Variants in TECPR2 observed in about 807,000 individuals in gnomAD.
TECPR2 encodes tectonin beta-propeller repeat containing 2.
A neutral mutation model predicts 138.1 loss-of-function variants in TECPR2; 65 were observed. That is an observed-to-expected ratio of 0.47 (90% CI 0.39 to 0.58). TECPR2 has a LOEUF of 0.58. TECPR2 is among the 20% of genes least tolerant of loss of function. TECPR2 has a pLI of 0.00. For missense variants in TECPR2, 1,553 were observed against 1,824.5 expected, an observed-to-expected ratio of 0.85 and a Z score of 2.71; for synonymous variants, 746 against 749.8, an observed-to-expected ratio of 0.99 and a Z score of 0.08.
rs374430400 is a variant in TECPR2, at chr14:102,445,825, C to T, written c.2953C>T (p.Pro985Ser). Residue 985 changes from proline to serine, a missense_variant, in exon 13 of 20, where the codon CCC becomes TCC. Physicochemically the swap from Pro to Ser is moderately conservative, Grantham distance 74. Coordinates refer to ENST00000359520, the MANE Select transcript of TECPR2 (RefSeq NM_014844.5). ...DIVSERQALE[P>S]VCITLGDQQT... ...TTTCAGCGAAAGGCAAGCTTTAGAACCCGTCTGCATAACGCTCGGGGATCA... is the reference window on the plus strand; with the variant it reads ...TTTCAGCGAAAGGCAAGCTTTAGAATCCGTCTGCATAACGCTCGGGGATCA... 1.5e-5 allele frequency: 25 copies of T among 1,613,792 alleles called. No homozygotes were observed. In the African/African-American group the frequency reaches 2.9e-4, roughly 19 times the overall value.
At chr14:102,423,006 GTCA>G (rs1370668841) in intron 5 of TECPR2, among the ~76,000 whole-genome samples, 1 of 152,204 alleles carries the variant, frequency 6.6e-6, no homozygotes, top group Admixed American at 6.6e-5. Flanking sequence ...TAGACAAACA[GTCA>G]TCATTATGTT....
intron 17 of TECPR2, among the ~76,000 whole-genome samples, chr14:102,475,209 A>G (rs1434355522): frequency 6.6e-6 from 1 of 152,202 alleles, no homozygotes; most frequent in East Asian, 1.9e-4. Flanking sequence ...AAGAAAGGCA[A>G]GTAGGAGTGT....
Position 102,499,035 on chromosome 14 carries a change from A to T in TECPR2, c.*778A>T, listed in dbSNP as rs1395999612. ...GCACCGTACCTCGCCACATCTCACC[A>T]CACCACACCACACCACACCTCACTG... On this transcript the variant is annotated 3_prime_UTR_variant, in exon 20 of 20. Coordinates refer to ENST00000359520, the MANE Select transcript of TECPR2 (RefSeq NM_014844.5). 3 of 585,822 alleles carry T rather than the reference A, an allele frequency of 5.1e-6. No homozygotes were observed. Among genetic ancestry groups the T allele is most frequent in the Non-Finnish European group, 8.6e-6 (3 of 347,678 alleles). The allele number at this position is 585,822 out of a possible 1,614,324, so 36.3% of individuals were successfully genotyped here.
intron 5 of TECPR2, among the ~76,000 whole-genome samples, chr14:102,424,227 G>T (rs1160310517): frequency 2.6e-5 from 4 of 152,132 alleles, no homozygotes; most frequent in Non-Finnish European, 4.4e-5. Context: ...GTAGCACAAC[G>T]GTAAGTAATT....
Position 102,465,206 on chromosome 14 carries a change from G to A in TECPR2, c.3706G>A (p.Gly1236Arg), listed in dbSNP as rs771051083. The A allele has an allele frequency of 6.2e-7, 1 of 1,614,226 alleles. No individual in the cohort carries two copies. Among genetic ancestry groups the A allele is most frequent in the Non-Finnish European group, 8.5e-7 (1 of 1,180,040 alleles). ...CATCTGGGCCTGTGATTCCAGGGGTGGAGTTTACTTCCGTGTAGGGACTCA... is the reference window on the plus strand; with the variant it reads ...CATCTGGGCCTGTGATTCCAGGGGTAGAGTTTACTTCCGTGTAGGGACTCA... Reference protein sequence around the residue: ...QHIWACDSRGGVYFRVGTQPL... With the variant: ...QHIWACDSRGRVYFRVGTQPL... The change falls in exon 17 of 20, where the codon GGA becomes AGA. Residue 1236 changes from glycine (G) to arginine (R), a missense_variant. Physicochemically the swap from Gly to Arg is moderately radical, Grantham distance 125. Transcript: ENST00000359520.
Position 102,499,365 on chromosome 14 carries a change from C to A in TECPR2, c.*1108C>A. 1.7e-6 allele frequency: 1 copy of A among 601,848 alleles called. No homozygotes were observed. Among genetic ancestry groups the A allele is most frequent in the Non-Finnish European group, 3.0e-6 (1 of 337,296 alleles). 37.3% of individuals were successfully genotyped at this position (601,848 alleles called of 1,614,324 possible). A position where few individuals can be genotyped will look rare whatever the true frequency, so the allele number is the denominator to read the frequency against. On this transcript the variant is annotated 3_prime_UTR_variant, in exon 20 of 20. Transcript: ENST00000359520. ...CTGCATAAAATACCTCATTTCAAATCAAATCTTACAAATTTAGAAGAGAGA... is the reference window on the plus strand; with the variant it reads ...CTGCATAAAATACCTCATTTCAAATAAAATCTTACAAATTTAGAAGAGAGA...
Position 102,435,073 on chromosome 14 carries a change from C to G in TECPR2, c.2256C>G (p.Ser752Arg), listed in dbSNP as rs746712279. The part of the protein sequence containing the change: ...QPPRDQTLTS[S>R]DEEDIYAHGL... ...CACGGGATCAGACATTGACGTCCAG[C>G]GATGAGGAGGACATCTATGCCCACG... The change falls in exon 9 of 20, where the codon AGC becomes AGG. Residue 752 changes from serine to arginine, a missense_variant. Transcript: ENST00000359520. 3 of 1,613,978 alleles carry G rather than the reference C, an allele frequency of 1.9e-6. No individual in the cohort carries two copies. The highest frequency in any genetic ancestry group is 2.5e-6 in the Non-Finnish European group (3 of 1,180,034).
In TECPR2 at chr14:102,502,327, A is replaced by C. The variant is rs1246366312; in HGVS notation, c.*4070A>C. The C allele has an allele frequency of 1.3e-5, 2 of 152,660 alleles. No homozygotes were observed. The highest frequency in any genetic ancestry group is 3.8e-4 in the East Asian group (2 of 5,204). 9.5% of individuals were successfully genotyped at this position (152,660 alleles called of 1,614,324 possible). On this transcript the variant is annotated 3_prime_UTR_variant, in exon 20 of 20. Transcript: ENST00000359520. ...ATTTTTCATAACTCCGGGGAGGAGC[A>C]AGAGGGGTGAAAAGAAACAAGTTCT...
At chr14:102,448,724 G>A (rs984268744) in intron 13 of TECPR2, among the ~76,000 whole-genome samples, 8 of 151,876 alleles carry the variant, frequency 5.3e-5, no homozygotes, top group Non-Finnish European at 7.4e-5. Flanking sequence ...AAAATTAGCC[G>A]GCTGTTGTGG....
chr14:102,449,756 C>T lies in TECPR2; in HGVS notation c.3203C>T (p.Ala1068Val), dbSNP rs369079351. The T allele has an allele frequency of 5.6e-6, 9 of 1,614,010 alleles. No individual in the cohort carries two copies. The highest frequency in any genetic ancestry group is 1.7e-5 in the Admixed American group (1 of 59,992). ...AAGGTGGCAGATAAGCTGCGCATGGCGTTTTGGTCCCAGCAGCTTCAGTGC... is the reference window on the plus strand; with the variant it reads ...AAGGTGGCAGATAAGCTGCGCATGGTGTTTTGGTCCCAGCAGCTTCAGTGC... ...VEKVADKLRM[A>V]FWSQQLQCQP... The change falls in exon 14 of 20, where the codon GCG (alanine) becomes GTG (valine). Residue 1068 changes from alanine to valine, a missense_variant. Ala to Val is a moderately conservative substitution (Grantham distance 64). Coordinates refer to ENST00000359520, the MANE Select transcript of TECPR2 (RefSeq NM_014844.5).
Position 102,496,911 on chromosome 14 carries a change from G to A in TECPR2, c.3790-68G>A, listed in dbSNP as rs567331186. ...CTGCCACTAACATGTCCCCAGTTCC[G>A]GAAGTCTCCTGTCCTTTCTCTTGTC... On this transcript the variant is annotated intron_variant, in intron 17 of 19. Coordinates refer to ENST00000359520, the MANE Select transcript of TECPR2 (RefSeq NM_014844.5). 3.4e-4 allele frequency: 534 copies of A among 1,580,878 alleles called. 7 individuals carry two copies. In the South Asian group the frequency reaches 5.7e-3, roughly 17 times the overall value.
intron 4 of TECPR2, 46 bp downstream of exon 4, chr14:102,408,665 T>G (rs1888731560): frequency 6.5e-7 from 1 of 1,542,792 alleles, no homozygotes; most frequent in African/African-American, 1.4e-5. Context: ...CTTCTTACAT[T>G]TGGAAAAACT....
At chr14:102,442,561 C>T (rs1294867650) in intron 11 of TECPR2, among the ~76,000 whole-genome samples, 4 of 152,188 alleles carry the variant, frequency 2.6e-5, no homozygotes, top group African/African-American at 7.2e-5. Flanking sequence ...GGGTGAGGAG[C>T]GAGTGACCTC....
chr14:102,401,804 C>CAA (rs34413626), intron 2 of TECPR2, among the ~76,000 whole-genome samples: 4,362 of 67,636 alleles, frequency 0.064, 469 homozygotes, highest in Middle Eastern at 0.1. Flanking sequence ...GACTCCGTCT[C>CAA]AAAAAAAAAA....
rs1887216564 is a variant in TECPR2 at position 102,362,995 on chromosome 14, C to T, written c.-194C>T. On this transcript the variant is annotated 5_prime_UTR_variant, in exon 1 of 20. Transcript: ENST00000359520. Reference sequence around the variant, plus strand: ...CGGAGCCAGCTGCTGCTCTTCGGTGCTGGCCCCGGTGCCGGCCCCGTTGCC... The same window carrying T: ...CGGAGCCAGCTGCTGCTCTTCGGTGTTGGCCCCGGTGCCGGCCCCGTTGCC... 4 of 1,137,658 alleles carry T rather than the reference C, an allele frequency of 3.5e-6. No homozygotes were observed. The highest frequency in any genetic ancestry group is 2.8e-5 in the South Asian group (2 of 71,056). 70.5% of individuals were successfully genotyped at this position (1,137,658 alleles called of 1,614,324 possible).
chr14:102,398,804 A>G (rs1237450043), intron 2 of TECPR2, among the ~76,000 whole-genome samples: 3 of 152,122 alleles, frequency 2.0e-5, no homozygotes, highest in Non-Finnish European at 4.4e-5. Flanking sequence ...GCAGTGAGCT[A>G]TGATTGAGGC....
intron 2 of TECPR2, among the ~76,000 whole-genome samples, chr14:102,387,382 A>G (rs1398511502): frequency 6.6e-6 from 1 of 152,172 alleles, no homozygotes; most frequent in Non-Finnish European, 1.5e-5. Context: ...AATGTGTTAA[A>G]TATATAGGTC....
intron 17 of TECPR2, among the ~76,000 whole-genome samples, chr14:102,480,694 A>G (rs899791887): frequency 6.7e-6 from 1 of 148,814 alleles, no homozygotes; most frequent in African/African-American, 2.5e-5. Flanking sequence ...TTTAATTTTT[A>G]TTTTGTAGAG....
chr14:102,440,681 T>TAAC, intron 11 of TECPR2, 72 bp downstream of exon 11: 1 of 1,523,898 alleles, frequency 6.6e-7, no homozygotes, highest in East Asian at 2.3e-5. Flanking sequence ...GCTTTGCTAG[T>TAAC]AACATGCTTA....
Sources: gnomAD v4.1 joint callset for allele counts (sites outside exome capture counted in the v4.1 genomes callset) on GRCh38, gnomAD v4.1.1 for gene constraint, MANE v1.5 for transcripts, NCBI Gene and HGNC (gene_info 2026-07-23, HGNC 2026-07-21) for gene names.